Variants in PCNX1 observed in about 807,000 individuals in gnomAD.
PCNX1 encodes the protein pecanex-like protein 1.
A neutral mutation model predicts 242.2 loss-of-function variants in PCNX1; 78 were observed. The observed-to-expected ratio is 0.32, with a 90% CI of 0.27 to 0.39. PCNX1 has a LOEUF of 0.39. PCNX1 is among the 10% of genes least tolerant of loss of function. The pLI is 1.00. For synonymous variants in PCNX1, 1,024 were observed against 1,032.9 expected (o/e 0.99, Z 0.17); for missense variants, 2,581 against 2,856.5 (o/e 0.90, Z 2.20).
intron 2 of PCNX1, among the ~76,000 whole-genome samples, chr14:70,953,478 T>A (rs910739375): frequency 6.6e-6 from 1 of 151,892 alleles, no homozygotes; most frequent in African/African-American, 2.4e-5. Context: ...AGGAATTTTT[T>A]ATTTTTTTAT....
At chr14:70,951,037 A>G (rs1430951161) in intron 2 of PCNX1, among the ~76,000 whole-genome samples, 2 of 152,042 alleles carry the variant, frequency 1.3e-5, no homozygotes, top group African/African-American at 4.8e-5. Context: ...AGATCTTTGT[A>G]TCTACTTTCA....
At chr14:71,018,862 A>G in intron 11 of PCNX1, 147 bp from the exon 12 acceptor site, 1 of 550,774 alleles carries the variant, frequency 1.8e-6, no homozygotes, top group Non-Finnish European at 3.1e-6. Flanking sequence ...TGTTTTCAGT[A>G]TGATCTAAAA....
Position 71,051,927 on chromosome 14 carries a change from T to A in PCNX1, c.4492T>A (p.Ser1498Thr), listed in dbSNP as rs1354664162. 6.2e-7 allele frequency: 1 copy of A among 1,613,822 alleles called. No individual in the cohort carries two copies. Among genetic ancestry groups the A allele is most frequent in the Non-Finnish European group, 8.5e-7 (1 of 1,179,746 alleles). The change falls in exon 24 of 36, where the codon TCT (serine) becomes ACT (threonine). Residue 1498 changes from serine (S) to threonine (T), a missense_variant. Physicochemically the swap from Ser to Thr is moderately conservative, Grantham distance 58. Transcript: ENST00000304743. ...TCAGGCTGCTGTCTCGGCCTTCTTC[T>A]CTACTCCACTGAACCCCTTTCTGGG... The part of the protein sequence containing the change: ...FIQAAVSAFF[S>T]TPLNPFLGSA...
intron 30 of PCNX1, among the ~76,000 whole-genome samples, chr14:71,091,824 C>T (rs542750710): frequency 2.6e-4 from 39 of 152,194 alleles, no homozygotes; most frequent in Admixed American, 5.2e-4. Context: ...ACAGTAATTT[C>T]GTAGTCACCT....
intron 7 of PCNX1, among the ~76,000 whole-genome samples, chr14:70,995,338 C>G (rs1179478053): frequency 4.6e-5 from 7 of 152,180 alleles, no homozygotes; most frequent in Non-Finnish European, 1.0e-4. Context: ...AGAGTTATTA[C>G]AAGGCTATAA....
chr14:71,005,921 CTTTT>C (rs372502839), intron 8 of PCNX1, among the ~76,000 whole-genome samples: 1 of 134,880 alleles, frequency 7.4e-6, no homozygotes, highest in African/African-American at 2.7e-5. Flanking sequence ...GGTATCTTAA[CTTTT>C]TTTTTTTTTT....
intron 3 of PCNX1, among the ~76,000 whole-genome samples, chr14:70,964,142 C>T (rs1180149294): frequency 6.6e-6 from 1 of 152,196 alleles, no homozygotes; most frequent in African/African-American, 2.4e-5. Flanking sequence ...TCTTGGCTCA[C>T]TGCAACCTCC....
chr14:70,964,378 C>T lies in PCNX1; in HGVS notation c.468+2047C>T, dbSNP rs375808060. Among the ~76,000 whole-genome samples the T allele has an allele frequency of 5.3e-5, 8 of 152,042 alleles. No individual in the cohort carries two copies. The East Asian group carries it at 1.5e-3, about 29-fold the overall frequency. ...CACCATGCCCAGCCTTAGATTGATACTTTTTGTTTCAAATTTTACAATGCC... is the reference window on the plus strand; with the variant it reads ...CACCATGCCCAGCCTTAGATTGATATTTTTTGTTTCAAATTTTACAATGCC... On this transcript the variant is annotated intron_variant, in intron 3 of 35. Transcript: ENST00000304743.
intron 1 of PCNX1, among the ~76,000 whole-genome samples, chr14:70,926,432 T>C (rs186809174): frequency 1.1e-4 from 16 of 152,342 alleles, no homozygotes; most frequent in East Asian, 9.6e-4. Flanking sequence ...ACAAAATTTG[T>C]ACTGTAGCCC....
chr14:70,949,174 A>T (rs1186753390), intron 2 of PCNX1, among the ~76,000 whole-genome samples: 1 of 144,236 alleles, frequency 6.9e-6, no homozygotes, highest in African/African-American at 2.6e-5. Context: ...ATAAATGCTT[A>T]TACATCTCAG....
intron 3 of PCNX1, among the ~76,000 whole-genome samples, chr14:70,964,249 A>G (rs891381999): frequency 2.6e-5 from 4 of 151,990 alleles, no homozygotes; most frequent in African/African-American, 9.7e-5. Flanking sequence ...TTGCATTTTT[A>G]GTAGAGATGG....
At chr14:71,037,402 T>A (rs1481431361) in intron 19 of PCNX1, among the ~76,000 whole-genome samples, 2 of 141,040 alleles carry the variant, frequency 1.4e-5, no homozygotes, top group Non-Finnish European at 3.1e-5. Context: ...TTTTGCCCAT[T>A]CAGTATGATA....
intron 22 of PCNX1, 64 bp from the exon 23 acceptor site, chr14:71,050,588 T>C: frequency 6.8e-7 from 1 of 1,465,550 alleles, no homozygotes; most frequent in Non-Finnish European, 9.2e-7. Flanking sequence ...GGTTTTTATT[T>C]TCTAATTCAA....
chr14:70,949,508 T>G (rs1310403120), intron 2 of PCNX1, among the ~76,000 whole-genome samples: 2 of 152,012 alleles, frequency 1.3e-5, no homozygotes. Context: ...AATTGTGATA[T>G]TTTACTTGAC....
chr14:71,023,093 G>A (rs1415473095), intron 12 of PCNX1, 107 bp from the exon 13 acceptor site: 1 of 808,364 alleles, frequency 1.2e-6, no homozygotes, highest in African/African-American at 1.7e-5. Context: ...GTCATTTTGT[G>A]GTTGTGGAAT....
chr14:70,944,388 G>T (rs1267273917), intron 1 of PCNX1, among the ~76,000 whole-genome samples: 1 of 152,194 alleles, frequency 6.6e-6, no homozygotes, highest in Non-Finnish European at 1.5e-5. Flanking sequence ...TGCCCTGCTG[G>T]ATTTTGGACT....
In PCNX1 at chr14:71,108,602, A is replaced by C. The variant is rs747286195; in HGVS notation, c.6302-2A>C. Reference sequence around the variant, plus strand: ...AGTGAGTGCTGCTGTTTCTCCTCCTAGGCACTAGCCACAGCTCTCACTCTG... The same window carrying C: ...AGTGAGTGCTGCTGTTTCTCCTCCTCGGCACTAGCCACAGCTCTCACTCTG... On this transcript the variant is annotated splice_acceptor_variant, in intron 33 of 35. Transcript: ENST00000304743. LOFTEE classifies it high-confidence loss of function. 6.3e-7 allele frequency: 1 copy of C among 1,599,950 alleles called. No homozygotes were observed.
chr14:70,934,852 A>G (rs549983733), intron 1 of PCNX1, among the ~76,000 whole-genome samples: 18 of 152,338 alleles, frequency 1.2e-4, no homozygotes, highest in African/African-American at 3.4e-4. Context: ...TTGCATGACA[A>G]TGTGAATCAC....
At chr14:70,913,318 T>TC (rs2056007309) in intron 1 of PCNX1, among the ~76,000 whole-genome samples, 1 of 152,182 alleles carries the variant, frequency 6.6e-6, no homozygotes, top group South Asian at 2.1e-4. Flanking sequence ...GTAGGCTGTA[T>TC]CATATGGTGG....
Sources: gnomAD v4.1 joint callset for allele counts (sites outside exome capture counted in the v4.1 genomes callset) on GRCh38, gnomAD v4.1.1 for gene constraint, MANE v1.5 for transcripts, NCBI Gene and HGNC (gene_info 2026-07-23, HGNC 2026-07-21) for gene names.